The following RBPMS variants were observed in gnomAD, a reference collection of about 807,000 sequenced individuals.
The protein encoded by RBPMS is RNA-binding protein with multiple splicing.
A neutral mutation model predicts 26.8 loss-of-function variants in RBPMS; 7 were observed. That is an observed-to-expected ratio of 0.26 (90% CI 0.15 to 0.49). The LOEUF is 0.49. RBPMS is among the 20% of genes least tolerant of loss of function. The probability of loss-of-function intolerance (pLI) is 0.98; values close to 1 mark genes in which losing one functional copy is unlikely to be tolerated. For missense variants in RBPMS, 186 were observed against 250.0 expected (o/e 0.74, Z 1.73); for synonymous variants, 96 against 93.3 (o/e 1.03, Z -0.17).
chr8:30,474,703 T>A (rs1041525575), intron 1 of RBPMS, 76 bp from the exon 2 acceptor site: 1 of 811,748 alleles, frequency 1.2e-6, no homozygotes, highest in Non-Finnish European at 2.1e-6. Context: ...GAATAATATG[T>A]TTCTGAGATA....
At chr8:30,552,527 G>A (rs1434323129) in intron 6 of RBPMS, 1 of 152,200 alleles carries the variant, frequency 6.6e-6, no homozygotes, top group Non-Finnish European at 1.5e-5. Context: ...AGTTCTATGC[G>A]CTTCACTGAG....
chr8:30,419,952 C>T (rs190448116), intron 1 of RBPMS, among the ~76,000 whole-genome samples: 1 of 152,120 alleles, frequency 6.6e-6, no homozygotes, highest in Non-Finnish European at 1.5e-5. Context: ...AGGTCTGGTG[C>T]AGTGGCTCAT....
intron 1 of RBPMS, among the ~76,000 whole-genome samples, chr8:30,422,745 T>A (rs1029610356): frequency 6.6e-6 from 1 of 152,204 alleles, no homozygotes; most frequent in African/African-American, 2.4e-5. Flanking sequence ...CTCATTGTTT[T>A]CATCTTTTTC....
At chr8:30,505,138 C>T (rs1443440265) in intron 5 of RBPMS, among the ~76,000 whole-genome samples, 1 of 152,194 alleles carries the variant, frequency 6.6e-6, no homozygotes, top group African/African-American at 2.4e-5. Flanking sequence ...TTTGCTTTCT[C>T]AAGCTCAGTC....
chr8:30,413,891 G>T (rs999397557), intron 1 of RBPMS, among the ~76,000 whole-genome samples: 1 of 152,110 alleles, frequency 6.6e-6, no homozygotes, highest in Non-Finnish European at 1.5e-5. Flanking sequence ...GATTACAGGC[G>T]TGAGCCGCAT....
At chr8:30,544,397 A>G (rs1825690708) in intron 5 of RBPMS, 97 bp from the exon 6 acceptor site, 2 of 1,213,208 alleles carry the variant, frequency 1.6e-6, no homozygotes, top group Admixed American at 3.7e-5. Flanking sequence ...TTGACTTCCG[A>G]CAGTGATTGG....
chr8:30,423,830 T>TTTTTG (rs139494534), intron 1 of RBPMS, among the ~76,000 whole-genome samples: 241 of 151,214 alleles, frequency 1.6e-3, no homozygotes, highest in African/African-American at 4.2e-3. Flanking sequence ...TTTTGTTTTT[T>TTTTTG]TTGTTGTTGT....
intron 8 of RBPMS, among the ~76,000 whole-genome samples, chr8:30,566,585 G>A (rs1255298873): frequency 6.6e-6 from 1 of 152,178 alleles, no homozygotes; most frequent in Non-Finnish European, 1.5e-5. Flanking sequence ...CCAGTATTTG[G>A]TGCTCACCAT....
chr8:30,549,030 T>C (rs921389565), intron 6 of RBPMS, among the ~76,000 whole-genome samples: 2 of 152,228 alleles, frequency 1.3e-5, no homozygotes, highest in African/African-American at 2.4e-5. Context: ...GCGAGACAGC[T>C]GTGGATCCCC....
chr8:30,415,388 G>A (rs898280280), intron 1 of RBPMS, among the ~76,000 whole-genome samples: 6 of 152,098 alleles, frequency 3.9e-5, no homozygotes, highest in Non-Finnish European at 5.9e-5. Flanking sequence ...GTCTTCAGGA[G>A]AGCCAGCTAA....
intron 8 of RBPMS, among the ~76,000 whole-genome samples, chr8:30,568,621 C>A (rs537848270): frequency 6.6e-6 from 1 of 152,322 alleles, no homozygotes; most frequent in Non-Finnish European, 1.5e-5. Context: ...ATGTCATAGT[C>A]GGCCCCTTCC....
At chr8:30,385,311 C>A in intron 1 of RBPMS, 153 bp downstream of exon 1, 1 of 479,788 alleles carries the variant, frequency 2.1e-6, no homozygotes, top group African/African-American at 2.0e-5. Context: ...GAGGGTGGAT[C>A]TCGGGAGCGT....
At chr8:30,474,654 G>A (rs1049720974) in intron 1 of RBPMS, 125 bp from the exon 2 acceptor site, 9 of 639,830 alleles carry the variant, frequency 1.4e-5, no homozygotes, top group Non-Finnish European at 2.2e-5. Flanking sequence ...GTTGTATCAT[G>A]GAAAGAGCAT....
intron 6 of RBPMS, among the ~76,000 whole-genome samples, chr8:30,555,513 G>A (rs1221566199): frequency 6.6e-6 from 1 of 152,204 alleles, no homozygotes; most frequent in Non-Finnish European, 1.5e-5. Context: ...AGAAGCCCCT[G>A]GAATTGTGTG....
intron 5 of RBPMS, among the ~76,000 whole-genome samples, chr8:30,520,617 T>C (rs1822928795): frequency 6.6e-6 from 1 of 152,130 alleles, no homozygotes; most frequent in Non-Finnish European, 1.5e-5. Flanking sequence ...AGGTGCCCAA[T>C]ACGACCTATC....
intron 6 of RBPMS, chr8:30,545,579 A>G (rs1210517671): frequency 5.4e-6 from 2 of 367,952 alleles, no homozygotes; most frequent in African/African-American, 4.4e-5. Flanking sequence ...TGTTTTGCTC[A>G]GTGTTTGTTT....
At chr8:30,486,364 TAAAAAAA>T (rs140824181) in intron 4 of RBPMS, among the ~76,000 whole-genome samples, 29,421 of 140,394 alleles carry the variant, frequency 0.21, 3,204 homozygotes, top group South Asian at 0.4. Flanking sequence ...ATAAATAACA[TAAAAAAA>T]AAACAAAAAA....
At chr8:30,515,644 T>C (rs1037238619) in intron 5 of RBPMS, among the ~76,000 whole-genome samples, 1 of 152,182 alleles carries the variant, frequency 6.6e-6, no homozygotes, top group Admixed American at 6.5e-5. Flanking sequence ...TTAAAAAACA[T>C]GAATTAATAA....
At chr8:30,410,030 T>G (rs1224767245) in intron 1 of RBPMS, among the ~76,000 whole-genome samples, 1 of 152,170 alleles carries the variant, frequency 6.6e-6, no homozygotes, top group African/African-American at 2.4e-5. Context: ...GAATACCTAC[T>G]ATGTGCCTGG....
Sources: allele counts gnomAD v4.1 joint callset (sites outside exome capture counted in the v4.1 genomes callset), GRCh38; gene constraint gnomAD v4.1.1; transcripts MANE v1.5; gene names NCBI Gene and HGNC (gene_info 2026-07-23, HGNC 2026-07-21).